The following ANKMY1 variants were observed in gnomAD, a reference collection of about 807,000 sequenced individuals.
ANKMY1 encodes the protein ankyrin repeat and MYND domain-containing protein 1.
In ANKMY1, 98 loss-of-function variants were observed where a neutral mutation model predicts 102.0. The observed-to-expected ratio is 0.96, with a 90% CI of 0.82 to 1.14. The LOEUF is 1.14. Among genes scored for constraint, ANKMY1 ranks in the 50% most tolerant of loss-of-function variants. ANKMY1 has a pLI of 0.00. For missense variants in ANKMY1, 1,330 were observed against 1,347.6 expected (o/e 0.99, Z 0.20); for synonymous variants, 582 against 559.9 (o/e 1.04, Z -0.56).
chr2:240,534,849 TC>T (rs1286051061), intron 4 of ANKMY1, among the ~76,000 whole-genome samples: 2 of 152,076 alleles, frequency 1.3e-5, no homozygotes, highest in Admixed American at 6.5e-5. Flanking sequence ...ACACCAATAA[TC>T]CCAGCACTTT....
downstream of ANKMY1, among the ~76,000 whole-genome samples, chr2:240,477,617 G>A (rs545443942): frequency 6.6e-6 from 1 of 152,162 alleles, no homozygotes; most frequent in East Asian, 1.9e-4. Flanking sequence ...GAACTCCGGG[G>A]CTCAAGCAAT....
chr2:240,524,216 C>T lies in ANKMY1; in HGVS notation c.1501G>A (p.Gly501Ser), dbSNP rs202110899. ...LPRVSGSHEG[G>S]HFQDTGQCGG... ...CACTGCCCGGTGTCCTGGAAGTGGC[C>T]GCCCTCGTGGCTGCCTGAGACGCGT... The change falls in exon 8 of 18, where the codon GGC (glycine) becomes AGC (serine). Residue 501 changes from glycine to serine, a missense_variant. Physicochemically the swap from Gly to Ser is moderately conservative, Grantham distance 56 (BLOSUM62 0). Transcript: ENST00000401804. 9.5e-5 allele frequency: 153 copies of T among 1,613,852 alleles called. 1 individual carries two copies. In the East Asian group the frequency reaches 2.3e-3, roughly 25 times the overall value.
At position 240,520,303 on chromosome 2, in the gene ANKMY1, C is replaced by A. The variant is rs769150111; in HGVS notation, c.2004+59G>T. 2 of 1,488,890 alleles carry A rather than the reference C, an allele frequency of 1.3e-6. No homozygotes were observed. The highest frequency in any genetic ancestry group is 1.4e-5 in the African/African-American group (1 of 71,192). 92.2% of individuals were successfully genotyped at this position (1,488,890 alleles called of 1,614,324 possible). On this transcript the variant is annotated intron_variant, in intron 9 of 17. Transcript: ENST00000401804. This position sits in a 1 kb window ranked among gnomAD's most constrained non-coding sequence, Gnocchi z 4.8. ...CGCCTAGGTGGAGCGAGGAGCTTCC[C>A]GGCCAGTGCCCGGGAGTCTGCTGCG...
In ANKMY1 at chr2:240,507,588, T is replaced by G. The variant is rs1335254765; in HGVS notation, c.2498A>C (p.Gln833Pro). 6 of 1,610,536 alleles carry G rather than the reference T, an allele frequency of 3.7e-6. No individual in the cohort carries two copies. The South Asian group carries it at 6.7e-5, about 18-fold the overall frequency. ...GGCCAGCTTGCTGTCCATGTTCCTC[T>G]GGTGCTCGTAGGTCAGGTCACAGGC... ...CVACDLTYEHQRNMDSKLALI... is the reference protein window; with the variant it reads ...CVACDLTYEHPRNMDSKLALI... The change falls in exon 13 of 18, where the codon CAG becomes CCG. Residue 833 changes from glutamine to proline, a missense_variant. Gln to Pro is a moderately conservative substitution (Grantham distance 76). Coordinates refer to ENST00000401804, the MANE Select transcript of ANKMY1 (RefSeq NM_001282771.3).
chr2:240,495,892 C>T (rs776702921), intron 15 of ANKMY1, among the ~76,000 whole-genome samples: 3 of 152,236 alleles, frequency 2.0e-5, no homozygotes, highest in Non-Finnish European at 4.4e-5. Flanking sequence ...GAGGCTGCCT[C>T]TCCTCCTCCT....
intron 5 of ANKMY1, chr2:240,526,953 C>T: frequency 2.8e-6 from 3 of 1,053,588 alleles, no homozygotes; most frequent in Non-Finnish European, 3.4e-6. Context: ...AATCGAGAAC[C>T]TGTGCATTAT....
chr2:240,487,474 A>AT (rs1027647259), intron 15 of ANKMY1, among the ~76,000 whole-genome samples: 1 of 152,094 alleles, frequency 6.6e-6, no homozygotes, highest in Non-Finnish European at 1.5e-5. Context: ...TGATATACTG[A>AT]TTTTTTCCCC....
chr2:240,469,025 G>T, the ANKMY1 span, among the ~76,000 whole-genome samples: 1 of 152,182 alleles, frequency 6.6e-6, no homozygotes, highest in South Asian at 2.1e-4. Context: ...TCTCCGTGGC[G>T]GGCCAGGGGA....
At chr2:240,482,457 G>A (rs987310692) in intron 15 of ANKMY1, among the ~76,000 whole-genome samples, 196 bp from the exon 16 acceptor site, 4 of 152,242 alleles carry the variant, frequency 2.6e-5, no homozygotes, top group Non-Finnish European at 1.5e-5. Flanking sequence ...GCGCAGGGCA[G>A]TCCACAGGCT....
chr2:240,537,386 T>C (rs2087082410), intron 4 of ANKMY1, among the ~76,000 whole-genome samples: 2 of 152,266 alleles, frequency 1.3e-5, no homozygotes, highest in African/African-American at 4.8e-5. Flanking sequence ...GATTTTAATG[T>C]AAATTCTTGG....
At chr2:240,552,838 G>T (rs4676428) in intron 4 of ANKMY1, 76 bp downstream of exon 4, 1,111,466 of 1,604,134 alleles carry the variant, frequency 0.69, 386,901 homozygotes, top group East Asian at 0.83. Context: ...CCCCAGGACC[G>T]AAATATCTTT....
chr2:240,522,818 C>A (rs908250427), intron 8 of ANKMY1: 2 of 152,152 alleles, frequency 1.3e-5, no homozygotes, highest in Non-Finnish European at 2.9e-5. Flanking sequence ...CCTCTGAACA[C>A]CCATGTCTCA....
chr2:240,548,376 A>G (rs968613758), intron 4 of ANKMY1, among the ~76,000 whole-genome samples: 3 of 152,194 alleles, frequency 2.0e-5, no homozygotes, highest in Non-Finnish European at 4.4e-5. Context: ...AAATAATAAG[A>G]GCTATCTATG....
At chr2:240,495,777 C>T (rs992053492) in intron 15 of ANKMY1, among the ~76,000 whole-genome samples, 2 of 152,178 alleles carry the variant, frequency 1.3e-5, no homozygotes, top group African/African-American at 2.4e-5. Flanking sequence ...TGTCTCCACA[C>T]ATGGGGAGAA....
At chr2:240,500,324 G>A in intron 14 of ANKMY1, 128 bp downstream of exon 14, 1 of 1,175,056 alleles carries the variant, frequency 8.5e-7, no homozygotes, top group Non-Finnish European at 1.2e-6. Flanking sequence ...TGCAGCCAAG[G>A]GGCTGCTCTG....
rs951999389 is a variant in ANKMY1 at position 240,520,662 on chromosome 2, TCA to T, written c.1833-131_1833-130del. ...GTATGTGTGTGCCGCAACTACACAA[TCA>T]CACACACAGCACACACCCACACACG... On this transcript the variant is annotated intron_variant, in intron 8 of 17. Coordinates refer to ENST00000401804, the MANE Select transcript of ANKMY1 (RefSeq NM_001282771.3). This position sits in a 1 kb window ranked among gnomAD's most constrained non-coding sequence, Gnocchi z 4.8. 7.7e-6 allele frequency: 9 copies of T among 1,165,332 alleles called. No individual in the cohort carries two copies. Among genetic ancestry groups the T allele is most frequent in the African/African-American group, 3.1e-5 (2 of 64,226 alleles). 72.2% of individuals were successfully genotyped at this position (1,165,332 alleles called of 1,614,324 possible).
At chr2:240,512,651 C>T (rs12695024) in intron 10 of ANKMY1, 151 bp downstream of exon 10, 700,432 of 1,061,088 alleles carry the variant, frequency 0.66, 233,763 homozygotes, top group East Asian at 0.8. Flanking sequence ...CTCATCTGGA[C>T]GGGTTGTTTC....
chr2:240,534,207 G>A (rs879401606), intron 4 of ANKMY1, among the ~76,000 whole-genome samples: 4 of 152,220 alleles, frequency 2.6e-5, no homozygotes, highest in Non-Finnish European at 4.4e-5. Context: ...GGCATCCACT[G>A]GGGCTCTTGA....
upstream of ANKMY1, chr2:240,561,022 TCTGCACCGCGTACCTCATG>T: frequency 6.5e-7 from 1 of 1,537,024 alleles, no homozygotes. Context: ...TCGGCCGCCG[TCTGCACCGCGTACCTCATG>T]CGGCACCGCG....
Sources: gnomAD v4.1 joint callset for allele counts (sites outside exome capture counted in the v4.1 genomes callset) on GRCh38, gnomAD v4.1.1 for gene constraint, Gnocchi (gnomAD v3.1) non-coding constraint, MANE v1.5 for transcripts, NCBI Gene and HGNC (gene_info 2026-07-23, HGNC 2026-07-21) for gene names.